The following PLCB4 variants were observed in gnomAD, a reference collection of about 807,000 sequenced individuals.
The protein encoded by PLCB4 is phospholipase C beta 4.
In PLCB4, 77 loss-of-function variants were observed where a neutral mutation model predicts 178.8. That is an observed-to-expected ratio of 0.43 (90% confidence interval 0.36 to 0.52). The LOEUF (loss-of-function observed/expected upper bound fraction) is 0.52. PLCB4 is among the 20% of genes least tolerant of loss of function. The pLI is 0.00. For synonymous variants in PLCB4, 496 were observed against 490.8 expected (o/e 1.01, Z -0.14); for missense variants, 1,024 against 1,453.4 (o/e 0.70, Z 4.80).
intron 3 of PLCB4, among the ~76,000 whole-genome samples, chr20:9,297,237 G>A (rs922554078): frequency 2.6e-5 from 4 of 151,596 alleles, no homozygotes; most frequent in African/African-American, 7.3e-5. Context: ...TCTTTCTAGC[G>A]GTCACTTCTG....
At chr20:9,394,823 T>C (rs972476552) in intron 18 of PLCB4, among the ~76,000 whole-genome samples, 4 of 152,196 alleles carry the variant, frequency 2.6e-5, no homozygotes, top group Non-Finnish European at 5.9e-5. Flanking sequence ...TCACCAGTCA[T>C]ATATGAGAGT....
intron 14 of PLCB4, 62 bp from the exon 15 acceptor site, chr20:9,387,397 CTTTT>C: frequency 1.2e-6 from 1 of 800,760 alleles, no homozygotes; most frequent in East Asian, 2.5e-5. Flanking sequence ...TGATGTCTTT[CTTTT>C]AATTTGTATG....
chr20:9,263,967 T>C (rs2094323595), intron 3 of PLCB4, among the ~76,000 whole-genome samples: 2 of 152,232 alleles, frequency 1.3e-5, no homozygotes, highest in African/African-American at 4.8e-5. Flanking sequence ...ATCATTATAC[T>C]ACACCTGTTT....
At chr20:9,416,133 A>G (rs1225042397) in intron 25 of PLCB4, among the ~76,000 whole-genome samples, 1 of 152,158 alleles carries the variant, frequency 6.6e-6, no homozygotes, top group Non-Finnish European at 1.5e-5. Flanking sequence ...GGAGAATTGG[A>G]TATGGGTTTC....
intron 2 of PLCB4, among the ~76,000 whole-genome samples, chr20:9,164,367 T>TTGC (rs1364426996): frequency 2.6e-5 from 4 of 152,182 alleles, no homozygotes; most frequent in Admixed American, 1.3e-4. Flanking sequence ...AGTGATTTTA[T>TTGC]TGCTGTTTTA....
chr20:9,153,576 C>A (rs1467860317), intron 2 of PLCB4, among the ~76,000 whole-genome samples: 1 of 152,194 alleles, frequency 6.6e-6, no homozygotes, highest in African/African-American at 2.4e-5. Flanking sequence ...TCCAATTAAA[C>A]CTTTTTTTCT....
chr20:9,218,172 G>A lies in PLCB4; in HGVS notation c.-16+720G>A, dbSNP rs181735259. On this transcript the variant is annotated intron_variant, in intron 3 of 39. Transcript: ENST00000378473. ...GTCACCCAGGCTGGAGTGCAGTGGC[G>A]CAATCTCGGCTCACTGCAACCTCTG... 6.1e-3 allele frequency among the ~76,000 whole-genome samples: 925 copies of A among 152,154 alleles called. 4 individuals are homozygous for A. The highest frequency in any genetic ancestry group is 9.2e-3 in the Admixed American group (140 of 15,286).
chr20:9,440,429 T>TA (rs2042037133), intron 30 of PLCB4, among the ~76,000 whole-genome samples: 3 of 152,246 alleles, frequency 2.0e-5, no homozygotes, highest in South Asian at 2.1e-4. Context: ...CGCATATCCC[T>TA]AGCTTAGGAA....
intron 27 of PLCB4, among the ~76,000 whole-genome samples, chr20:9,423,267 T>C (rs1036160162): frequency 6.6e-6 from 1 of 152,236 alleles, no homozygotes; most frequent in African/African-American, 2.4e-5. Context: ...TATTCAGAGA[T>C]ACTTAATTTA....
At chr20:9,351,396 A>G (rs1457116957) in intron 7 of PLCB4, among the ~76,000 whole-genome samples, 1 of 152,206 alleles carries the variant, frequency 6.6e-6, no homozygotes, top group Non-Finnish European at 1.5e-5. Flanking sequence ...AACATCTTTC[A>G]GAACCAGTGT....
intron 33 of PLCB4, among the ~76,000 whole-genome samples, chr20:9,456,419 G>A (rs114216483): frequency 0.021 from 3,141 of 152,266 alleles, 95 homozygotes; most frequent in African/African-American, 0.072. Flanking sequence ...ACAAGCTAAA[G>A]TTGGGAAAAT....
At chr20:9,195,041 C>G (rs757747326) in intron 2 of PLCB4, among the ~76,000 whole-genome samples, 1 of 152,180 alleles carries the variant, frequency 6.6e-6, no homozygotes, top group East Asian at 1.9e-4. Context: ...TCTCTGGAAA[C>G]TATTTCATTT....
intron 39 of PLCB4, 51 bp from the exon 40 acceptor site, chr20:9,478,870 C>A: frequency 1.5e-6 from 2 of 1,363,028 alleles, no homozygotes; most frequent in Non-Finnish European, 2.1e-6. Context: ...TTGTTAAGTG[C>A]CTTCAGATAA....
intron 4 of PLCB4, among the ~76,000 whole-genome samples, chr20:9,326,317 T>C (rs1317832019): frequency 1.3e-5 from 2 of 152,108 alleles, no homozygotes; most frequent in Non-Finnish European, 2.9e-5. Flanking sequence ...ACTTAGAAAG[T>C]TGATGATGTT....
Position 9,194,409 on chromosome 20 carries a change from G to A in PLCB4, c.-78-22981G>A, listed in dbSNP as rs552661845. On this transcript the variant is annotated intron_variant, in intron 2 of 39. Transcript: ENST00000378473. Reference sequence around the variant, plus strand: ...GCTTTAAAATCAACCTTTTTGGGCCGGGCGCAGTGGCTCATACGTGTAATC... The same window carrying A: ...GCTTTAAAATCAACCTTTTTGGGCCAGGCGCAGTGGCTCATACGTGTAATC... Among the ~76,000 whole-genome samples the A allele has an allele frequency of 5.9e-5, 9 of 151,942 alleles. No individual in the cohort carries two copies. The South Asian group carries it at 6.2e-4, about 11-fold the overall frequency.
At chr20:9,154,715 C>G (rs1235048447) in intron 2 of PLCB4, among the ~76,000 whole-genome samples, 2 of 151,862 alleles carry the variant, frequency 1.3e-5, no homozygotes, top group African/African-American at 4.8e-5. Context: ...TTGACCACCT[C>G]TCCCACAACC....
At chr20:9,096,495 A>T (rs765251548) in intron 2 of PLCB4, among the ~76,000 whole-genome samples, 153 bp downstream of exon 2, 1 of 152,238 alleles carries the variant, frequency 6.6e-6, no homozygotes, top group African/African-American at 2.4e-5. Context: ...TCTAAATTCA[A>T]TATTTAACTT....
chr20:9,323,667 C>G (rs2029872455), intron 4 of PLCB4, among the ~76,000 whole-genome samples: 1 of 152,152 alleles, frequency 6.6e-6, no homozygotes, highest in Admixed American at 6.5e-5. Flanking sequence ...AGGTGTGTCG[C>G]TTAAATCTCC....
chr20:9,365,093 T>A (rs2035662176), intron 8 of PLCB4, among the ~76,000 whole-genome samples: 1 of 152,146 alleles, frequency 6.6e-6, no homozygotes, highest in Non-Finnish European at 1.5e-5. Flanking sequence ...TGTGTTTTGC[T>A]CAATGGAGGC....
Sources: allele counts gnomAD v4.1 joint callset (sites outside exome capture counted in the v4.1 genomes callset), GRCh38; gene constraint gnomAD v4.1.1; transcripts MANE v1.5; gene names NCBI Gene and HGNC (gene_info 2026-07-23, HGNC 2026-07-21).